ZMAT5: variants seen among roughly 807,000 people sequenced by gnomAD.
ZMAT5 encodes the protein zinc finger matrin-type 5.
Under a neutral mutation model 28.0 loss-of-function variants are expected in ZMAT5, and 23 were observed. That is an observed-to-expected ratio of 0.82 (90% CI 0.59 to 1.16). ZMAT5 has a LOEUF of 1.16. Among genes scored for constraint, ZMAT5 ranks in the 50% most tolerant of loss-of-function variants. ZMAT5 has a pLI of 0.00. For missense variants in ZMAT5, 173 were observed against 212.7 expected (o/e 0.81, Z 1.16); for synonymous variants, 76 against 84.1 (o/e 0.90, Z 0.52).
In ZMAT5 at chr22:29,731,366, G is replaced by A; in HGVS notation, c.384-12C>T. On this transcript the variant is annotated splice_polypyrimidine_tract_variant and intron_variant, in intron 5 of 5. Transcript: ENST00000344318. The stretch of plus-strand genomic sequence containing the variant: ...TGATGGGTTCAGCCCTAGAGAGAGA[G>A]AGAGAAGCGGGGAGAATAAGAGTGC... 1.3e-6 allele frequency: 2 copies of A among 1,544,250 alleles called. No individual in the cohort carries two copies. Among genetic ancestry groups the A allele is most frequent in the Admixed American group, 2.2e-5 (1 of 44,948 alleles).
intron 1 of ZMAT5, among the ~76,000 whole-genome samples, chr22:29,761,810 G>T (rs2068160309): frequency 2.6e-5 from 4 of 152,176 alleles, no homozygotes; most frequent in Admixed American, 2.6e-4. Flanking sequence ...TATTAGAGTT[G>T]TGATTTTAGA....
chr22:29,757,388 A>T (rs2068113168), intron 1 of ZMAT5, among the ~76,000 whole-genome samples: 4 of 152,166 alleles, frequency 2.6e-5, no homozygotes, highest in Admixed American at 2.6e-4. Flanking sequence ...TCACCAACCC[A>T]GGTCTGAATC....
chr22:29,738,354 C>A lies in ZMAT5; in HGVS notation c.359G>T (p.Arg120Leu). The A allele has an allele frequency of 1.2e-6, 2 of 1,609,706 alleles. No individual in the cohort carries two copies. Among genetic ancestry groups the A allele is most frequent in the Non-Finnish European group, 1.7e-6 (2 of 1,179,784 alleles). The change falls in exon 5 of 6, where the codon CGG (arginine) becomes CTG (leucine). Residue 120 changes from arginine to leucine, a missense_variant. Coordinates refer to ENST00000344318, the MANE Select transcript of ZMAT5 (RefSeq NM_001003692.2). ...LEDWLEKRAK[R>L]LSSAPSSRAE... ...CCTGCTACTTGGGGCTGAGCTCAGCCGCTTGGCTCTCTTCTCCAGCCAGTC... is the reference window on the plus strand; with the variant it reads ...CCTGCTACTTGGGGCTGAGCTCAGCAGCTTGGCTCTCTTCTCCAGCCAGTC...
chr22:29,766,625 G>A (rs571701609), intron 1 of ZMAT5, among the ~76,000 whole-genome samples: 3 of 152,338 alleles, frequency 2.0e-5, no homozygotes, highest in East Asian at 3.9e-4. Context: ...GGGTTGCCCG[G>A]TGCGAAGCCC....
In ZMAT5 at chr22:29,745,833, C is replaced by T. The variant is rs7285384; in HGVS notation, c.127+2585G>A. ...GTCGAGTTCATTCACACGGTATATC[C>T]GCAAGTCCCTGCGGTTGCTCAGAGT... On this transcript the variant is annotated intron_variant, in intron 2 of 5. Coordinates refer to ENST00000344318, the MANE Select transcript of ZMAT5 (RefSeq NM_001003692.2). Among the ~76,000 whole-genome samples, 1,160 of 152,340 alleles carry T rather than the reference C, an allele frequency of 7.6e-3. 18 individuals carry two copies. The highest frequency in any genetic ancestry group is 0.024 in the African/African-American group (978 of 41,580).
chr22:29,765,322 G>A (rs1047357534), intron 1 of ZMAT5, among the ~76,000 whole-genome samples: 1 of 152,014 alleles, frequency 6.6e-6, no homozygotes, highest in Admixed American at 6.6e-5. Flanking sequence ...AGTAGGCTGA[G>A]GCATGAGAAT....
rs147178904 is a variant in ZMAT5, at chr22:29,738,310, G to A, written c.383+20C>T. The A allele has an allele frequency of 1.9e-3, 3,029 of 1,603,778 alleles. 19 individuals carry two copies. In the Middle Eastern group the frequency reaches 0.036, roughly 19 times the overall value. ...TTGCCCCCAGGGGGCACAGCGGGAGGGAACCCTGGGGACCTGTACCTGCTA... is the reference window on the plus strand; with the variant it reads ...TTGCCCCCAGGGGGCACAGCGGGAGAGAACCCTGGGGACCTGTACCTGCTA... On this transcript the variant is annotated intron_variant, in intron 5 of 5. Transcript: ENST00000344318.
Position 29,740,691 on chromosome 22 carries a change from A to G in ZMAT5, c.230T>C (p.Met77Thr), listed in dbSNP as rs752716627. The G allele has an allele frequency of 2.0e-5, 32 of 1,605,154 alleles. No individual in the cohort carries two copies. The highest frequency in any genetic ancestry group is 3.3e-4 in the Middle Eastern group (2 of 6,072). Residue 77 changes from methionine to threonine, a missense_variant, in exon 4 of 6, where the codon ATG (methionine) becomes ACG (threonine). Coordinates refer to ENST00000344318, the MANE Select transcript of ZMAT5 (RefSeq NM_001003692.2). ...DFGSNCRFSHMSERDLQELSI... is the reference protein window; with the variant it reads ...DFGSNCRFSHTSERDLQELSI... ...CAGCTCCTGCAGGTCTCGCTCTGAC[A>G]TGTGGGAAAATCTGCAGTTGGAGCC...
At chr22:29,755,290 G>A (rs570476018) in intron 1 of ZMAT5, among the ~76,000 whole-genome samples, 1 of 126,624 alleles carries the variant, frequency 7.9e-6, no homozygotes, top group Non-Finnish European at 1.6e-5. Context: ...GTGAGACCTT[G>A]TCAAAAAAGA....
chr22:29,753,212 C>T (rs2068070024), intron 1 of ZMAT5, among the ~76,000 whole-genome samples: 1 of 152,178 alleles, frequency 6.6e-6, no homozygotes, highest in Non-Finnish European at 1.5e-5. Flanking sequence ...CCTTGTTTTC[C>T]TGCTATGAAA....
chr22:29,747,262 C>T (rs1214010127), intron 2 of ZMAT5: 1 of 152,252 alleles, frequency 6.6e-6, no homozygotes, highest in Non-Finnish European at 1.5e-5. Flanking sequence ...GATCCATGCT[C>T]ATTCCTTGTT....
chr22:29,731,503 A>G, intron 5 of ZMAT5, 149 bp from the exon 6 acceptor site: 9 of 1,065,110 alleles, frequency 8.4e-6, no homozygotes, highest in Non-Finnish European at 1.0e-5. Context: ...GAAAATAGGC[A>G]GACCGTTTGA....
intron 1 of ZMAT5, chr22:29,758,703 A>G (rs1483164005): frequency 1.3e-5 from 2 of 152,210 alleles, no homozygotes; most frequent in African/African-American, 4.8e-5. Context: ...TATATTTGGC[A>G]TGTATTGTTT....
intron 4 of ZMAT5, 111 bp downstream of exon 4, chr22:29,740,539 T>G (rs1172492765): frequency 8.4e-6 from 10 of 1,185,134 alleles, no homozygotes; most frequent in African/African-American, 1.5e-5. Context: ...TGGGTGGCCC[T>G]TGGTTGCCAA....
At chr22:29,758,067 C>T (rs1442160183) in intron 1 of ZMAT5, among the ~76,000 whole-genome samples, 1 of 151,980 alleles carries the variant, frequency 6.6e-6, no homozygotes, top group Non-Finnish European at 1.5e-5. Context: ...TTTCTCTGAT[C>T]ACTTGGTCTG....
At chr22:29,755,893 G>A (rs939524469) in intron 1 of ZMAT5, among the ~76,000 whole-genome samples, 1 of 152,228 alleles carries the variant, frequency 6.6e-6, no homozygotes, top group African/African-American at 2.4e-5. Context: ...CACCAGAGCT[G>A]GCACGCACAC....
Position 29,740,722 on chromosome 22 carries a change from C to A in ZMAT5, c.199G>T (p.Asp67Tyr). The stretch of plus-strand genomic sequence containing the variant: ...GAAAATCTGCAGTTGGAGCCAAAGT[C>A]GCACTGGCCTGCAGCAGGAAGACAG... ...CRKFLLTGQC[D>Y]FGSNCRFSHM... Residue 67 changes from aspartate (D) to tyrosine (Y), a missense_variant, in exon 4 of 6, where the codon GAC becomes TAC. Coordinates refer to ENST00000344318, the MANE Select transcript of ZMAT5 (RefSeq NM_001003692.2). 6.3e-7 allele frequency: 1 copy of A among 1,596,038 alleles called. No homozygotes were observed.
At chr22:29,731,575 G>A in intron 5 of ZMAT5, 1 of 515,840 alleles carries the variant, frequency 1.9e-6, no homozygotes, top group Non-Finnish European at 3.3e-6. Flanking sequence ...GGCAGACATT[G>A]AGCTGCGAGA....
At chr22:29,735,637 C>T (rs549759172) in intron 5 of ZMAT5, among the ~76,000 whole-genome samples, 40 of 152,276 alleles carry the variant, frequency 2.6e-4, no homozygotes, top group African/African-American at 8.2e-4. Flanking sequence ...CAGCAGGGCA[C>T]GTGTGATCAG....
Sources: gnomAD v4.1 joint callset for allele counts (sites outside exome capture counted in the v4.1 genomes callset) on GRCh38, gnomAD v4.1.1 for gene constraint, MANE v1.5 for transcripts, NCBI Gene and HGNC (gene_info 2026-07-23, HGNC 2026-07-21) for gene names.